The following SUPT3H variants were observed in gnomAD, a reference collection of about 807,000 sequenced individuals.
SUPT3H encodes the protein transcription initiation protein SPT3 homolog.
Under a neutral mutation model 44.3 loss-of-function variants are expected in SUPT3H, and 44 were observed. That is an observed-to-expected ratio of 0.99 (90% CI 0.78 to 1.28). The LOEUF is 1.28. SUPT3H is among the 50% of genes most tolerant of loss of function. The pLI is 0.00. For synonymous variants in SUPT3H, 124 were observed against 125.6 expected (o/e 0.99, Z 0.09); for missense variants, 380 against 387.1 (o/e 0.98, Z 0.15).
chr6:45,084,513 G>T (rs1796240491), intron 3 of SUPT3H, among the ~76,000 whole-genome samples: 1 of 152,142 alleles, frequency 6.6e-6, no homozygotes, highest in Admixed American at 6.5e-5. Context: ...TACACTGCTG[G>T]TAGGAATGTA....
At chr6:44,898,632 A>T (rs534693378) in intron 10 of SUPT3H, 1 of 152,522 alleles carries the variant, frequency 6.6e-6, no homozygotes, top group South Asian at 2.1e-4. Context: ...ATACAATAGA[A>T]ACCAGGCCTC....
chr6:44,870,257 T>G (rs948554327), intron 10 of SUPT3H, among the ~76,000 whole-genome samples: 1 of 152,144 alleles, frequency 6.6e-6, no homozygotes, highest in African/African-American at 2.4e-5. Flanking sequence ...CAGCAAGAGT[T>G]AAAATGATGA....
intron 3 of SUPT3H, 82 bp downstream of exon 3, chr6:45,105,840 A>T: frequency 9.4e-7 from 1 of 1,067,706 alleles, no homozygotes; most frequent in Non-Finnish European, 1.4e-6. Context: ...GCTGTAAATA[A>T]AATGTTTTTA....
chr6:45,132,510 T>G (rs1048432071), intron 2 of SUPT3H, among the ~76,000 whole-genome samples: 3 of 152,200 alleles, frequency 2.0e-5, no homozygotes, highest in Non-Finnish European at 4.4e-5. Context: ...CTTTGACCAC[T>G]AGACCTTTCC....
intron 3 of SUPT3H, among the ~76,000 whole-genome samples, chr6:45,066,033 T>C (rs1231788623): frequency 7.2e-6 from 1 of 138,034 alleles, no homozygotes; most frequent in Non-Finnish European, 1.6e-5. Context: ...ACCAATATCC[T>C]TGATGAACAT....
At chr6:45,105,347 A>G (rs1799124715) in intron 3 of SUPT3H, among the ~76,000 whole-genome samples, 1 of 152,170 alleles carries the variant, frequency 6.6e-6, no homozygotes, top group African/African-American at 2.4e-5. Context: ...TGGTACAGGC[A>G]TACCTCAGTG....
At chr6:45,354,893 A>G (rs538886992) in intron 2 of SUPT3H, among the ~76,000 whole-genome samples, 4 of 152,306 alleles carry the variant, frequency 2.6e-5, no homozygotes, top group East Asian at 3.9e-4. Flanking sequence ...AGTAGTAATT[A>G]TAATATGGGC....
chr6:44,980,088 CTT>C (rs1658942635), intron 6 of SUPT3H, among the ~76,000 whole-genome samples: 1 of 151,994 alleles, frequency 6.6e-6, no homozygotes, highest in Admixed American at 6.6e-5. Flanking sequence ...GGTATTCAGG[CTT>C]TACACAAACA....
chr6:44,901,913 C>T (rs1342151058), intron 10 of SUPT3H, among the ~76,000 whole-genome samples: 8 of 152,112 alleles, frequency 5.3e-5, no homozygotes, highest in African/African-American at 1.2e-4. Flanking sequence ...ATTTCATATC[C>T]AGCCAAACTA....
chr6:45,006,479 C>A (rs1167424186), intron 5 of SUPT3H, among the ~76,000 whole-genome samples: 1 of 151,916 alleles, frequency 6.6e-6, no homozygotes, highest in East Asian at 1.9e-4. Flanking sequence ...GTTTACCACC[C>A]CTTTTTCCAT....
intron 6 of SUPT3H, among the ~76,000 whole-genome samples, chr6:44,999,132 T>A (rs1781666354): frequency 6.6e-6 from 1 of 152,176 alleles, no homozygotes; most frequent in African/African-American, 2.4e-5. Flanking sequence ...ATATGCCCTA[T>A]AAATTTTTGC....
At position 44,983,356 on chromosome 6, in the gene SUPT3H, T is replaced by C. The variant is rs538615608; in HGVS notation, c.504+20297A>G. Among the ~76,000 whole-genome samples, 67 of 152,282 alleles carry C rather than the reference T, an allele frequency of 4.4e-4. 1 individual carries two copies. The South Asian group carries it at 0.013, about 31-fold the overall frequency. Reference sequence around the variant, plus strand: ...AGCCTTCAAAAATTTACATTAAATTTATTGGACACATTTTAAGAAAGTGAA... The same window carrying C: ...AGCCTTCAAAAATTTACATTAAATTCATTGGACACATTTTAAGAAAGTGAA... On this transcript the variant is annotated intron_variant, in intron 6 of 10. Coordinates refer to ENST00000371459, the MANE Select transcript of SUPT3H (RefSeq NM_003599.4).
intron 1 of SUPT3H, chr6:45,371,953 C>A: frequency 2.5e-6 from 2 of 785,002 alleles, no homozygotes; most frequent in Non-Finnish European, 1.5e-6. Flanking sequence ...TTTAGTGATA[C>A]AAGCTGGGAC....
intron 2 of SUPT3H, among the ~76,000 whole-genome samples, chr6:45,305,454 A>G (rs1782848192): frequency 6.6e-6 from 1 of 152,240 alleles, no homozygotes; most frequent in South Asian, 2.1e-4. Context: ...TTATTCTAAT[A>G]ACATTTGACA....
chr6:45,296,914 G>C (rs1273230822), intron 2 of SUPT3H, among the ~76,000 whole-genome samples: 1 of 142,580 alleles, frequency 7.0e-6, no homozygotes, highest in Non-Finnish European at 1.5e-5. Context: ...CTGGCTGACA[G>C]AGTGAGATTC....
chr6:45,016,781 G>A (rs1247101455), intron 4 of SUPT3H, among the ~76,000 whole-genome samples: 5 of 151,932 alleles, frequency 3.3e-5, no homozygotes, highest in African/African-American at 1.2e-4. Flanking sequence ...CTTTGCTATT[G>A]TGAGTAGTGC....
intron 3 of SUPT3H, among the ~76,000 whole-genome samples, chr6:45,061,861 T>C (rs11961316): frequency 0.19 from 28,694 of 150,004 alleles, 3,525 homozygotes; most frequent in Non-Finnish European, 0.28. Flanking sequence ...CCAAAATCAA[T>C]TGTGGTACAG....
At chr6:44,997,685 T>A (rs1781449930) in intron 6 of SUPT3H, among the ~76,000 whole-genome samples, 1 of 151,876 alleles carries the variant, frequency 6.6e-6, no homozygotes, top group Non-Finnish European at 1.5e-5. Flanking sequence ...CTCCTTGAAC[T>A]CTCGCAAATA....
chr6:45,228,334 T>G (rs1767306745), intron 2 of SUPT3H, among the ~76,000 whole-genome samples: 1 of 152,124 alleles, frequency 6.6e-6, no homozygotes, highest in Non-Finnish European at 1.5e-5. Context: ...TCTAATCCAA[T>G]CAGTTGAAGG....
Sources: gnomAD v4.1 joint callset for allele counts (sites outside exome capture counted in the v4.1 genomes callset) on GRCh38, gnomAD v4.1.1 for gene constraint, MANE v1.5 for transcripts, NCBI Gene and HGNC (gene_info 2026-07-23, HGNC 2026-07-21) for gene names.